Variants in DCC observed in about 807,000 individuals in gnomAD.
DCC encodes the protein netrin receptor DCC.
In DCC, 58 loss-of-function variants were observed where a neutral mutation model predicts 172.5. The observed-to-expected ratio is 0.34, with a 90% CI of 0.27 to 0.42. The LOEUF is 0.42. DCC is among the 10% of genes least tolerant of loss of function. DCC has a pLI of 1.00. For missense variants in DCC, 1,740 were observed against 1,791.0 expected (o/e 0.97, Z 0.51); for synonymous variants, 709 against 644.5 (o/e 1.10, Z -1.52).
intron 27 of DCC, among the ~76,000 whole-genome samples, chr18:53,520,370 C>A (rs1157352688): frequency 6.6e-6 from 1 of 152,042 alleles, no homozygotes; most frequent in Non-Finnish European, 1.5e-5. Context: ...TAGTCCATAC[C>A]AGCAGACTGA....
chr18:52,707,997 A>G (rs2036236631), intron 1 of DCC, among the ~76,000 whole-genome samples: 1 of 152,184 alleles, frequency 6.6e-6, no homozygotes, highest in African/African-American at 2.4e-5. Flanking sequence ...AAGAGGGTAG[A>G]TTTTAAGTGT....
chr18:52,653,017 C>G (rs759202897), intron 1 of DCC, among the ~76,000 whole-genome samples: 2 of 152,008 alleles, frequency 1.3e-5, no homozygotes, highest in African/African-American at 4.8e-5. Flanking sequence ...ACACTTTTTT[C>G]CCCATATTTT....
intron 2 of DCC, among the ~76,000 whole-genome samples, chr18:52,855,440 T>G (rs1048531626): frequency 6.6e-6 from 1 of 152,250 alleles, no homozygotes; most frequent in Non-Finnish European, 1.5e-5. Flanking sequence ...AATGCTGTTT[T>G]AATTAATAAC....
chr18:52,887,005 T>TAGCAG (rs1428009695), intron 2 of DCC, among the ~76,000 whole-genome samples: 1 of 152,172 alleles, frequency 6.6e-6, no homozygotes, highest in African/African-American at 2.4e-5. Flanking sequence ...TTCAAGATGA[T>TAGCAG]AGCAGTGCCC....
chr18:53,023,376 G>C (rs1008464714), intron 5 of DCC, among the ~76,000 whole-genome samples: 1 of 91,836 alleles, frequency 1.1e-5, no homozygotes, highest in African/African-American at 4.0e-5. Flanking sequence ...AAAATAAAAA[G>C]GACAAACACA....
chr18:52,377,176 T>C (rs557403352), intron 1 of DCC, among the ~76,000 whole-genome samples: 1 of 152,308 alleles, frequency 6.6e-6, no homozygotes, highest in Non-Finnish European at 1.5e-5. Flanking sequence ...GATCTAAATG[T>C]GAAGTTAAAT....
intron 1 of DCC, among the ~76,000 whole-genome samples, chr18:52,521,466 G>A (rs142794146): frequency 1.3e-5 from 2 of 152,306 alleles, no homozygotes; most frequent in Non-Finnish European, 2.9e-5. Flanking sequence ...TCAGTTTTCA[G>A]TGAGGGCTTT....
rs990421300 is a variant in DCC at position 53,014,492 on chromosome 18, A to T, written c.986-48813A>T. Reference sequence around the variant, plus strand: ...GTGTGATGTTCCCCTTCCTGTGTCCATGTGTTCTCATTGTTCAATTCCCAC... The same window carrying T: ...GTGTGATGTTCCCCTTCCTGTGTCCTTGTGTTCTCATTGTTCAATTCCCAC... On this transcript the variant is annotated intron_variant, in intron 5 of 28. Transcript: ENST00000442544. Among the ~76,000 whole-genome samples, 71 of 120,900 alleles carry T rather than the reference A, an allele frequency of 5.9e-4. 1 individual carries two copies. The South Asian group carries it at 0.019, about 32-fold the overall frequency. 79.3% of individuals were successfully genotyped at this position (120,900 alleles called of 152,430 possible). A position where few individuals can be genotyped will look rare whatever the true frequency, so the allele number is the denominator to read the frequency against.
intron 1 of DCC, among the ~76,000 whole-genome samples, chr18:52,652,733 T>TGTGTGTGTGTGTGG (rs1487771861): frequency 3.3e-5 from 5 of 151,714 alleles, no homozygotes; most frequent in Non-Finnish European, 5.9e-5. Flanking sequence ...TGTGTGTGTG[T>TGTGTGTGTGTGTGG]GTGTGTGGGT....
intron 2 of DCC, among the ~76,000 whole-genome samples, chr18:52,846,012 C>G (rs558368714): frequency 2.3e-4 from 35 of 152,314 alleles, no homozygotes; most frequent in African/African-American, 8.4e-4. Flanking sequence ...TTGCCTCAGT[C>G]TAATGTTCTT....
At chr18:52,560,433 G>C (rs1274714732) in intron 1 of DCC, among the ~76,000 whole-genome samples, 2 of 152,226 alleles carry the variant, frequency 1.3e-5, no homozygotes, top group African/African-American at 4.8e-5. Context: ...TGGGGCCATA[G>C]TGTGCTGCTC....
intron 13 of DCC, among the ~76,000 whole-genome samples, chr18:53,309,344 C>T (rs140538146): frequency 1.3e-5 from 2 of 152,248 alleles, no homozygotes; most frequent in East Asian, 3.9e-4. Flanking sequence ...TGGCCTCTCT[C>T]CTCTTCCAAT....
intron 2 of DCC, among the ~76,000 whole-genome samples, chr18:52,863,606 G>C (rs2039177345): frequency 6.6e-6 from 1 of 151,476 alleles, no homozygotes; most frequent in African/African-American, 2.4e-5. Flanking sequence ...ATTTAATTTA[G>C]CTTAAACTCT....
intron 21 of DCC, among the ~76,000 whole-genome samples, chr18:53,422,177 C>G (rs779035606): frequency 1.3e-5 from 2 of 152,198 alleles, no homozygotes; most frequent in Non-Finnish European, 2.9e-5. Flanking sequence ...CCACATCTTA[C>G]TTAACACCTG....
chr18:53,524,326 T>C (rs928153643), intron 27 of DCC, among the ~76,000 whole-genome samples: 3 of 151,948 alleles, frequency 2.0e-5, no homozygotes, highest in Non-Finnish European at 2.9e-5. Context: ...ATGTTCATAA[T>C]GAAAACTGGG....
chr18:52,839,186 A>G (rs1410152035), intron 2 of DCC, among the ~76,000 whole-genome samples: 2 of 152,224 alleles, frequency 1.3e-5, no homozygotes, highest in Non-Finnish European at 2.9e-5. Flanking sequence ...CAACCTATTC[A>G]ATAATACATG....
chr18:53,326,970 G>A (rs1021090977), intron 14 of DCC, among the ~76,000 whole-genome samples: 9 of 152,260 alleles, frequency 5.9e-5, no homozygotes, highest in Admixed American at 3.3e-4. Context: ...GATGGTGATC[G>A]CCAAGAGAAT....
intron 12 of DCC, among the ~76,000 whole-genome samples, chr18:53,269,827 C>T (rs2056727910): frequency 6.6e-6 from 1 of 152,122 alleles, no homozygotes; most frequent in South Asian, 2.1e-4. Flanking sequence ...AGTATAATTT[C>T]TGGATTATAT....
intron 2 of DCC, among the ~76,000 whole-genome samples, chr18:52,867,695 G>A (rs1323763869): frequency 6.6e-6 from 1 of 151,972 alleles, no homozygotes; most frequent in East Asian, 1.9e-4. Context: ...ATTCTCTGAT[G>A]GTATTTTGTA....
Sources: gnomAD v4.1 joint callset for allele counts (sites outside exome capture counted in the v4.1 genomes callset) on GRCh38, gnomAD v4.1.1 for gene constraint, MANE v1.5 for transcripts, NCBI Gene and HGNC (gene_info 2026-07-23, HGNC 2026-07-21) for gene names.